The following DST variants were observed in gnomAD, a reference collection of about 807,000 sequenced individuals.
DST encodes dystonin, also known as bullous pemphigoid antigen.
Under a neutral mutation model 875.2 loss-of-function variants are expected in DST, and 253 were observed. That is an observed-to-expected ratio of 0.29 (90% confidence interval 0.26 to 0.32). The LOEUF (loss-of-function observed/expected upper bound fraction) is 0.32. Among genes scored for constraint, DST ranks in the 10% least tolerant of loss-of-function variants. DST has a pLI of 1.00. For synonymous variants in DST, 3,124 were observed against 3,197.1 expected (o/e 0.98, Z 0.77); for missense variants, 8,287 against 9,111.6 (o/e 0.91, Z 3.68).
intron 2 of DST, among the ~76,000 whole-genome samples, chr6:56,933,619 T>C (rs751783864): frequency 8.5e-5 from 13 of 152,186 alleles, no homozygotes; most frequent in African/African-American, 1.2e-4. Context: ...TTAATCCTCA[T>C]TTTTAAGTAG....
In DST at chr6:56,604,251, T is replaced by C; in HGVS notation, c.10377A>G (p.Thr3459=). ...ATTCTCTCATCAATTCAAATACTCC[T>C]GTAATTTTTTGGCTATGTTGATCTT... ...LKQDQHSQKI[T]GVFELMRELT... The change falls in exon 40 of 104, where the codon ACA becomes ACG. Residue 3459 remains threonine (T), a synonymous_variant. Coordinates refer to ENST00000680361, the MANE Select transcript of DST (RefSeq NM_001374736.1). 4 of 1,611,014 alleles carry C rather than the reference T, an allele frequency of 2.5e-6. No individual in the cohort carries two copies. The highest frequency in any genetic ancestry group is 3.4e-6 in the Non-Finnish European group (4 of 1,178,406).
intron 9 of DST, among the ~76,000 whole-genome samples, chr6:56,697,578 C>T (rs1445742547): frequency 6.6e-6 from 1 of 151,964 alleles, no homozygotes; most frequent in African/African-American, 2.4e-5. Flanking sequence ...TTTTTTTAAG[C>T]TCAAAGTAGT....
In DST at chr6:56,607,799, T is replaced by A. The variant is rs781749732; in HGVS notation, c.6829A>T (p.Ser2277Cys). The stretch of plus-strand genomic sequence containing the variant: ...CCACAGTGACATTTATTGAAACTAC[T>A]TGGTGTAGCTGTACATTCATCCTTT... ...REKDECTATP[S>C]SFNKCHCGEP... The change falls in exon 40 of 104, where the codon AGT (serine) becomes TGT (cysteine). Residue 2277 changes from serine (S) to cysteine (C), a missense_variant. Physicochemically the swap from Ser to Cys is moderately radical, Grantham distance 112. Around this residue, in one of 10 missense-constraint regions of DST, gnomAD observed 3,138 missense variants for 3,116.6 expected, o/e 1.01. Coordinates refer to ENST00000680361, the MANE Select transcript of DST (RefSeq NM_001374736.1). 1.1e-5 allele frequency: 18 copies of A among 1,613,492 alleles called. No individual in the cohort carries two copies. The South Asian group carries it at 2.0e-4, about 18-fold the overall frequency.
intron 28 of DST, 54 bp downstream of exon 28, chr6:56,632,800 T>C (rs1173076686): frequency 2.1e-5 from 31 of 1,496,468 alleles, no homozygotes; most frequent in Non-Finnish European, 1.3e-5. Context: ...GAGCAAAAAA[T>C]AGCCAGAACT....
intron 4 of DST, among the ~76,000 whole-genome samples, chr6:56,791,734 G>A (rs1396910918): frequency 1.3e-5 from 2 of 149,910 alleles, no homozygotes; most frequent in African/African-American, 2.5e-5. Flanking sequence ...GCAGCAGTGA[G>A]CCATGATCAC....
intron 58 of DST, among the ~76,000 whole-genome samples, chr6:56,559,407 C>T (rs1319717653): frequency 6.6e-6 from 1 of 152,054 alleles, no homozygotes; most frequent in African/African-American, 2.4e-5. Context: ...ATGAAGATCC[C>T]TTAGGGTAAC....
At chr6:56,602,097 G>A in intron 43 of DST, 1 of 305,410 alleles carries the variant, frequency 3.3e-6, no homozygotes, top group South Asian at 2.8e-5. Context: ...AAATATGAAT[G>A]AAATATGCCA....
At chr6:56,891,954 C>T (rs1201286083) in intron 3 of DST, among the ~76,000 whole-genome samples, 1 of 152,172 alleles carries the variant, frequency 6.6e-6, no homozygotes, top group Non-Finnish European at 1.5e-5. Context: ...TCCTCAGATT[C>T]CCCACCAGCA....
intron 61 of DST, among the ~76,000 whole-genome samples, chr6:56,537,850 T>C (rs1355409892): frequency 6.6e-6 from 1 of 152,222 alleles, no homozygotes; most frequent in Non-Finnish European, 1.5e-5. Flanking sequence ...GACCTGGGCC[T>C]ACCATGGTAC....
chr6:56,708,832 T>C (rs2099351294), intron 5 of DST, among the ~76,000 whole-genome samples: 1 of 152,190 alleles, frequency 6.6e-6, no homozygotes, highest in Non-Finnish European at 1.5e-5. Context: ...CAGCTAAGCC[T>C]ACATAGAAAA....
At chr6:56,516,977 C>G (rs868703856) in intron 71 of DST, among the ~76,000 whole-genome samples, 1 of 152,116 alleles carries the variant, frequency 6.6e-6, no homozygotes. Context: ...ACCTTAATAG[C>G]CTTTGTGCCT....
Position 56,605,767 on chromosome 6 carries a change from G to A in DST, c.8861C>T (p.Thr2954Ile), listed in dbSNP as rs1365645293. The change falls in exon 40 of 104, where the codon ACT becomes ATT. Residue 2954 changes from threonine to isoleucine, a missense_variant. Around this residue, in one of 10 missense-constraint regions of DST, gnomAD observed 3,138 missense variants for 3,116.6 expected, o/e 1.01. Coordinates refer to ENST00000680361, the MANE Select transcript of DST (RefSeq NM_001374736.1). ...CTTAACCTTTGTGTTTGCTAGATCAGTACCTAATTCAGAAGTTGAACTGAT... is the reference window on the plus strand; with the variant it reads ...CTTAACCTTTGTGTTTGCTAGATCAATACCTAATTCAGAAGTTGAACTGAT... ...NNISSTSELG[T>I]DLANTKVKLI... 1 of 1,612,702 alleles carries A rather than the reference G, an allele frequency of 6.2e-7. No homozygotes were observed. The highest frequency in any genetic ancestry group is 1.7e-5 in the Admixed American group (1 of 59,826).
intron 4 of DST, among the ~76,000 whole-genome samples, chr6:56,805,147 T>C (rs976007018): frequency 7.9e-5 from 12 of 152,162 alleles, no homozygotes; most frequent in Admixed American, 3.3e-4. Context: ...TCATAAATCA[T>C]GTGCATCATG....
rs1180093686 is a variant in DST at position 56,818,997 on chromosome 6, C to T, written c.625+32400G>A. Among the ~76,000 whole-genome samples, 4 of 152,112 alleles carry T rather than the reference C, an allele frequency of 2.6e-5. No individual in the cohort carries two copies. In the East Asian group the frequency reaches 7.7e-4, roughly 29 times the overall value. ...TTTGTCCATTTTTCCCACCTTTACC[C>T]TTACTGACTTTTCCATCTTCAGAAA... is the stretch of plus-strand genomic sequence containing the variant. On this transcript the variant is annotated intron_variant, in intron 4 of 103. Coordinates refer to ENST00000680361, the MANE Select transcript of DST (RefSeq NM_001374736.1).
intron 4 of DST, among the ~76,000 whole-genome samples, chr6:56,770,660 C>T (rs564582962): frequency 7.9e-5 from 12 of 152,126 alleles, no homozygotes; most frequent in Admixed American, 2.0e-4. Flanking sequence ...GTTTTTGCTA[C>T]ACCTGTAAAA....
intron 4 of DST, among the ~76,000 whole-genome samples, chr6:56,817,678 C>T (rs1478632132): frequency 2.6e-5 from 4 of 152,084 alleles, no homozygotes; most frequent in Non-Finnish European, 5.9e-5. Context: ...ATGATGATTT[C>T]TCTAAAGGTT....
At chr6:56,896,986 A>G (rs920441966) in intron 3 of DST, among the ~76,000 whole-genome samples, 1 of 152,090 alleles carries the variant, frequency 6.6e-6, no homozygotes, top group Non-Finnish European at 1.5e-5. Flanking sequence ...CCAACTATTT[A>G]TCTTTGTTTT....
intron 10 of DST, among the ~76,000 whole-genome samples, chr6:56,666,739 T>C (rs993393814): frequency 5.3e-5 from 6 of 112,778 alleles, no homozygotes; most frequent in African/African-American, 3.8e-4. Flanking sequence ...AAACTACTCT[T>C]TTTTTTTTTT....
chr6:56,729,991 C>CA (rs1259610399), intron 5 of DST, among the ~76,000 whole-genome samples: 1 of 152,162 alleles, frequency 6.6e-6, no homozygotes, highest in Non-Finnish European at 1.5e-5. Flanking sequence ...CAATGGCATC[C>CA]AGGGCCTCTT....
Sources: gnomAD v4.1 joint callset for allele counts (sites outside exome capture counted in the v4.1 genomes callset) on GRCh38, gnomAD v4.1.1 for gene constraint, gnomAD v4.1.1 regional missense constraint, MANE v1.5 for transcripts, NCBI Gene and HGNC (gene_info 2026-07-23, HGNC 2026-07-21) for gene names.